AHCYL2: variants seen among roughly 807,000 people sequenced by gnomAD.
AHCYL2 encodes the protein S-adenosylhomocysteine hydrolase-like protein 2.
Under a neutral mutation model 81.4 loss-of-function variants are expected in AHCYL2, and 28 were observed. The ratio of observed to expected loss-of-function variants is 0.34; its 90% CI spans 0.25 to 0.47. The LOEUF (loss-of-function observed/expected upper bound fraction) is 0.47, where lower values mean the gene tolerates loss of function less well. AHCYL2 is among the 20% of genes least tolerant of loss of function. The pLI is 1.00. For missense variants in AHCYL2, 551 were observed against 785.1 expected (o/e 0.70, Z 3.56); for synonymous variants, 272 against 290.2 (o/e 0.94, Z 0.64).
chr7:129,356,592 G>T (rs117720337), intron 1 of AHCYL2, among the ~76,000 whole-genome samples: 3,437 of 152,238 alleles, frequency 0.023, 75 homozygotes, highest in Non-Finnish European at 0.032. Flanking sequence ...TCTTTGATGA[G>T]GGGCATTATT....
At chr7:129,226,469 A>G (rs1181061650) in intron 1 of AHCYL2, among the ~76,000 whole-genome samples, 1 of 152,246 alleles carries the variant, frequency 6.6e-6, no homozygotes, top group Non-Finnish European at 1.5e-5. Flanking sequence ...TAGACACAGT[A>G]TGGGCACAGG....
chr7:129,382,589 G>T (rs962478363), intron 2 of AHCYL2, among the ~76,000 whole-genome samples: 2 of 150,164 alleles, frequency 1.3e-5, no homozygotes, highest in Non-Finnish European at 3.0e-5. Flanking sequence ...AATAGAGTGA[G>T]ACTTTTTTTT....
At chr7:129,259,660 A>G (rs1795550659) in intron 1 of AHCYL2, among the ~76,000 whole-genome samples, 1 of 152,362 alleles carries the variant, frequency 6.6e-6, no homozygotes, top group Middle Eastern at 3.4e-3. Flanking sequence ...GTGCTAGGAA[A>G]ATAACTTCCC....
intron 1 of AHCYL2, among the ~76,000 whole-genome samples, chr7:129,300,559 A>T (rs1411987209): frequency 6.6e-6 from 1 of 152,206 alleles, no homozygotes; most frequent in African/African-American, 2.4e-5. Context: ...ATGGACACTT[A>T]GGTTGCTTCC....
intron 1 of AHCYL2, among the ~76,000 whole-genome samples, chr7:129,277,371 G>A (rs1180910968): frequency 6.6e-6 from 1 of 150,498 alleles, no homozygotes; most frequent in East Asian, 2.0e-4. Context: ...TCCGCCTCCT[G>A]GGTTCAAGCA....
At chr7:129,370,421 G>C (rs1345264020) in intron 1 of AHCYL2, among the ~76,000 whole-genome samples, 1 of 152,004 alleles carries the variant, frequency 6.6e-6, no homozygotes, top group African/African-American at 2.4e-5. Flanking sequence ...TTGCAGCCGG[G>C]TGCGGTGGCT....
chr7:129,426,468 G>A lies in AHCYL2; in HGVS notation c.1734G>A (p.Leu578=). Residue 578 remains leucine, a synonymous_variant, in exon 16 of 17, where the codon CTG becomes CTA. Transcript: ENST00000325006. The surrounding 1 kb of genome is among the most constrained non-coding windows in gnomAD (Gnocchi z 4.3). ...ATGAGTATGTGGCCAGCCTACACCT[G>A]CCTACCTTTGATGCCCACTTGACAG... ...KMDEYVASLH[L]PTFDAHLTEL... is the part of the protein sequence containing the mutation. The A allele has an allele frequency of 6.2e-7, 1 of 1,614,098 alleles. No homozygotes were observed. The highest frequency in any genetic ancestry group is 2.2e-5 in the East Asian group (1 of 44,882).
chr7:129,393,949 A>AT (rs1024839654), intron 4 of AHCYL2, among the ~76,000 whole-genome samples: 1 of 151,924 alleles, frequency 6.6e-6, no homozygotes, highest in Non-Finnish European at 1.5e-5. Flanking sequence ...CTCCGTTGTG[A>AT]TTTTTTTCTG....
intron 1 of AHCYL2, among the ~76,000 whole-genome samples, chr7:129,239,386 T>C (rs1227820634): frequency 1.3e-5 from 2 of 152,184 alleles, no homozygotes; most frequent in Non-Finnish European, 2.9e-5. Context: ...TGAGTAGATG[T>C]TGGCTTAGCA....
intron 1 of AHCYL2, among the ~76,000 whole-genome samples, chr7:129,354,130 T>TTATTA (rs1793660380): frequency 1.3e-5 from 2 of 151,948 alleles, no homozygotes; most frequent in Non-Finnish European, 1.5e-5. Flanking sequence ...TATACTGTAA[T>TTATTA]AAGTTTAGAA....
intron 3 of AHCYL2, 100 bp downstream of exon 3, chr7:129,389,299 T>C (rs1427301285): frequency 7.0e-7 from 1 of 1,431,448 alleles, no homozygotes; most frequent in East Asian, 2.3e-5. Flanking sequence ...GTGAAATTTC[T>C]ATGTGATAAG....
At chr7:129,398,628 C>T (rs938476280) in intron 5 of AHCYL2, among the ~76,000 whole-genome samples, 1 of 151,678 alleles carries the variant, frequency 6.6e-6, no homozygotes, top group Non-Finnish European at 1.5e-5. Context: ...ATCTGCCTGC[C>T]TCGGCCTCCC....
chr7:129,263,399 A>C (rs1795709876), intron 1 of AHCYL2, among the ~76,000 whole-genome samples: 2 of 152,292 alleles, frequency 1.3e-5, no homozygotes, highest in South Asian at 4.1e-4. Context: ...GCCAAACTTG[A>C]TATCAACTGG....
chr7:129,396,058 T>C (rs1448190514), intron 4 of AHCYL2, among the ~76,000 whole-genome samples: 1 of 152,168 alleles, frequency 6.6e-6, no homozygotes, highest in Non-Finnish European at 1.5e-5. Flanking sequence ...AGTTTGGCTT[T>C]GTAGATTACC....
At chr7:129,271,541 T>A (rs1796017674) in intron 1 of AHCYL2, among the ~76,000 whole-genome samples, 1 of 152,132 alleles carries the variant, frequency 6.6e-6, no homozygotes, top group African/African-American at 2.4e-5. Context: ...CATGGCTGAA[T>A]AACAATAATG....
chr7:129,266,895 A>G (rs1795827920), intron 1 of AHCYL2, among the ~76,000 whole-genome samples: 1 of 152,214 alleles, frequency 6.6e-6, no homozygotes, highest in South Asian at 2.1e-4. Context: ...CAATATTTTA[A>G]CATTTTAGAT....
chr7:129,319,315 C>A (rs1797932231), intron 1 of AHCYL2, among the ~76,000 whole-genome samples: 1 of 151,952 alleles, frequency 6.6e-6, no homozygotes, highest in Non-Finnish European at 1.5e-5. Flanking sequence ...ATTAGCCAGG[C>A]CTGGTGGTGC....
intron 1 of AHCYL2, among the ~76,000 whole-genome samples, chr7:129,374,736 G>C (rs1794589675): frequency 6.6e-6 from 1 of 151,378 alleles, no homozygotes; most frequent in Admixed American, 6.6e-5. Flanking sequence ...GAACCCGGAG[G>C]GTGGAGGTTG....
chr7:129,306,364 C>T (rs1451059752), intron 1 of AHCYL2, among the ~76,000 whole-genome samples: 1 of 152,000 alleles, frequency 6.6e-6, no homozygotes, highest in East Asian at 1.9e-4. Flanking sequence ...AGCAATTCTG[C>T]TATTAAGAGA....
Sources: allele counts gnomAD v4.1 joint callset (sites outside exome capture counted in the v4.1 genomes callset), GRCh38; gene constraint gnomAD v4.1.1; non-coding constraint Gnocchi (gnomAD v3.1); transcripts MANE v1.5; gene names NCBI Gene and HGNC (gene_info 2026-07-23, HGNC 2026-07-21).